RGS6: variants seen among roughly 807,000 people sequenced by gnomAD.
The protein encoded by RGS6 is regulator of G-protein signaling 6.
In RGS6, 30 loss-of-function variants were observed where a neutral mutation model predicts 78.5. The observed-to-expected ratio is 0.38, with a 90% CI of 0.29 to 0.52. The LOEUF (loss-of-function observed/expected upper bound fraction) is 0.52, where lower values mean the gene tolerates loss of function less well. Among genes scored for constraint, RGS6 ranks in the 20% least tolerant of loss-of-function variants. The probability of loss-of-function intolerance (pLI) is 0.85; values close to 1 mark genes in which losing one functional copy is unlikely to be tolerated. For missense variants in RGS6, 495 were observed against 609.7 expected (o/e 0.81, Z 1.98); for synonymous variants, 206 against 206.0 (o/e 1.00, Z 0.00).
intron 3 of RGS6, among the ~76,000 whole-genome samples, chr14:72,440,206 C>A (rs2095131329): frequency 6.6e-6 from 1 of 152,198 alleles, no homozygotes; most frequent in African/African-American, 2.4e-5. Flanking sequence ...GGACCAAAAT[C>A]ACCTAGGAGC....
chr14:72,388,953 T>TTAG (rs34503088), intron 3 of RGS6, among the ~76,000 whole-genome samples: 11,310 of 152,004 alleles, frequency 0.074, 786 homozygotes, highest in African/African-American at 0.18. Flanking sequence ...ATTCCCATTA[T>TTAG]TAGTAGTAGT....
At chr14:72,029,879 A>G (rs979155501) in intron 2 of RGS6, among the ~76,000 whole-genome samples, 1 of 152,236 alleles carries the variant, frequency 6.6e-6, no homozygotes, top group Non-Finnish European at 1.5e-5. Context: ...GTCATATTTA[A>G]TAAGTAGTGA....
At chr14:72,490,063 C>T (rs17116396) in intron 12 of RGS6, among the ~76,000 whole-genome samples, 2,091 of 152,198 alleles carry the variant, frequency 0.014, 53 homozygotes, top group East Asian at 0.091. Context: ...CCTGAGATGT[C>T]GTAAAGCTCT....
At chr14:72,351,838 C>T (rs1364905960) in intron 2 of RGS6, among the ~76,000 whole-genome samples, 2 of 152,176 alleles carry the variant, frequency 1.3e-5, no homozygotes, top group East Asian at 3.8e-4. Context: ...TAATGTATTT[C>T]TTCCTCCATA....
chr14:72,454,870 A>G (rs1172981518), intron 4 of RGS6, among the ~76,000 whole-genome samples: 1 of 152,240 alleles, frequency 6.6e-6, no homozygotes, highest in Non-Finnish European at 1.5e-5. Context: ...AATTAAAGAT[A>G]AGTTGTAGCA....
intron 13 of RGS6, among the ~76,000 whole-genome samples, chr14:72,508,839 T>G (rs17116642): frequency 6.6e-6 from 1 of 151,968 alleles, no homozygotes; most frequent in African/African-American, 2.4e-5. Context: ...CTTCTTCTGG[T>G]TCACAGACCA....
chr14:72,191,363 T>A (rs2097323249), intron 2 of RGS6, among the ~76,000 whole-genome samples: 1 of 152,208 alleles, frequency 6.6e-6, no homozygotes, highest in Non-Finnish European at 1.5e-5. Flanking sequence ...CTCAGTGCAC[T>A]CTCTGGCCTC....
intron 3 of RGS6, among the ~76,000 whole-genome samples, chr14:72,363,906 C>A (rs1028847970): frequency 4.8e-5 from 7 of 144,934 alleles, no homozygotes; most frequent in African/African-American, 1.6e-4. Flanking sequence ...GAGACAATAG[C>A]CACAAAACTC....
chr14:72,310,077 C>T (rs1215515729), intron 2 of RGS6, among the ~76,000 whole-genome samples: 2 of 152,244 alleles, frequency 1.3e-5, no homozygotes, highest in African/African-American at 4.8e-5. Flanking sequence ...GCCAGCTCTT[C>T]TCGGCATGTT....
At chr14:72,210,838 A>T (rs1173063294) in intron 2 of RGS6, among the ~76,000 whole-genome samples, 1 of 151,252 alleles carries the variant, frequency 6.6e-6, no homozygotes, top group Non-Finnish European at 1.5e-5. Context: ...GTTTTTTTTT[A>T]AACCATCATA....
At chr14:72,071,843 A>G (rs1003730580) in intron 2 of RGS6, among the ~76,000 whole-genome samples, 1 of 152,216 alleles carries the variant, frequency 6.6e-6, no homozygotes, top group Admixed American at 6.5e-5. Flanking sequence ...AAATGTTTTC[A>G]CGATGTCTTG....
intron 12 of RGS6, among the ~76,000 whole-genome samples, chr14:72,479,689 C>A (rs1438141650): frequency 1.3e-5 from 2 of 152,240 alleles, no homozygotes; most frequent in East Asian, 3.9e-4. Context: ...CCTCATACCT[C>A]CTCTCTCATC....
chr14:72,248,868 G>A (rs1468246513), intron 2 of RGS6, among the ~76,000 whole-genome samples: 1 of 152,182 alleles, frequency 6.6e-6, no homozygotes, highest in Non-Finnish European at 1.5e-5. Flanking sequence ...GCTCCACTTT[G>A]CCTTTGTGAA....
At chr14:72,517,803 C>A (rs1295356985) in intron 14 of RGS6, among the ~76,000 whole-genome samples, 1 of 152,214 alleles carries the variant, frequency 6.6e-6, no homozygotes, top group Non-Finnish European at 1.5e-5. Flanking sequence ...CATTTTGATG[C>A]CATCACTTGA....
the RGS6 span, among the ~76,000 whole-genome samples, chr14:72,577,859 G>C: frequency 6.6e-6 from 1 of 152,192 alleles, no homozygotes; most frequent in African/African-American, 2.4e-5. Context: ...TAACAGATGG[G>C]CTTGTTGCTT....
chr14:72,203,479 G>A (rs922298602), intron 2 of RGS6, among the ~76,000 whole-genome samples: 1 of 152,240 alleles, frequency 6.6e-6, no homozygotes, highest in African/African-American at 2.4e-5. Flanking sequence ...TACCAAGGCT[G>A]CAGTCATCTC....
At chr14:72,600,527 G>A in the RGS6 span, among the ~76,000 whole-genome samples, 1 of 151,608 alleles carries the variant, frequency 6.6e-6, no homozygotes, top group Non-Finnish European at 1.5e-5. Flanking sequence ...TTAAGCTTTG[G>A]GGGTGTCATA....
chr14:71,896,745 G>A, the RGS6 span, among the ~76,000 whole-genome samples: 1 of 152,208 alleles, frequency 6.6e-6, no homozygotes, highest in East Asian at 1.9e-4. Flanking sequence ...AATACTGAGA[G>A]GTTACTCTCC....
At chr14:72,281,725 G>A (rs973103654) in intron 2 of RGS6, among the ~76,000 whole-genome samples, 2 of 152,136 alleles carry the variant, frequency 1.3e-5, no homozygotes, top group African/African-American at 4.8e-5. Flanking sequence ...GAACACACAA[G>A]CAAAGGCCCT....
Sources: allele counts gnomAD v4.1 joint callset (sites outside exome capture counted in the v4.1 genomes callset), GRCh38; gene constraint gnomAD v4.1.1; transcripts MANE v1.5; gene names NCBI Gene and HGNC (gene_info 2026-07-23, HGNC 2026-07-21).